DNAJA2: variants seen among roughly 807,000 people sequenced by gnomAD.
DNAJA2 encodes DnaJ heat shock protein family (Hsp40) member A2.
A neutral mutation model predicts 49.3 loss-of-function variants in DNAJA2; 6 were observed. That is an observed-to-expected ratio of 0.12 (90% CI 0.07 to 0.24). The LOEUF (loss-of-function observed/expected upper bound fraction) is 0.24, where lower values mean the gene tolerates loss of function less well. DNAJA2 is among the 10% of genes least tolerant of loss of function. DNAJA2 has a pLI of 1.00. For synonymous variants in DNAJA2, 160 were observed against 172.7 expected, an observed-to-expected ratio of 0.93 and a Z score of 0.58; for missense variants, 347 against 516.8, an observed-to-expected ratio of 0.67 and a Z score of 3.19.
At chr16:46,971,793 T>G (rs1192439452) in intron 2 of DNAJA2, 103 bp downstream of exon 2, 1 of 1,060,124 alleles carries the variant, frequency 9.4e-7, no homozygotes, top group African/African-American at 1.6e-5. Context: ...TGTGGCTGTG[T>G]GGGCATAGTT....
At chr16:46,962,113 T>C (rs1195312678) in intron 6 of DNAJA2, among the ~76,000 whole-genome samples, 3 of 152,202 alleles carry the variant, frequency 2.0e-5, no homozygotes, top group African/African-American at 4.8e-5. Flanking sequence ...CCAATTCCAC[T>C]GCTGCCAACA....
chr16:46,968,019 G>T, intron 4 of DNAJA2, 65 bp downstream of exon 4: 1 of 1,384,438 alleles, frequency 7.2e-7, no homozygotes, highest in South Asian at 1.3e-5. Flanking sequence ...ACGTGGTACA[G>T]ACATTCAGTG....
Position 46,973,647 on chromosome 16 carries a change from G to C in DNAJA2, c.-75C>G. Reference sequence around the variant, plus strand: ...CGGAGTCGGGCCCACAAGCGGCGTCGGCGGCGGCACAGGCCGAGGGAGACA... The same window carrying C: ...CGGAGTCGGGCCCACAAGCGGCGTCCGCGGCGGCACAGGCCGAGGGAGACA... On this transcript the variant is annotated 5_prime_UTR_variant, in exon 1 of 9. Coordinates refer to ENST00000317089, the MANE Select transcript of DNAJA2 (RefSeq NM_005880.4). The C allele has an allele frequency of 1.3e-6, 2 of 1,498,248 alleles. No individual in the cohort carries two copies. The highest frequency in any genetic ancestry group is 1.7e-4 in the Middle Eastern group (1 of 5,772). 92.8% of individuals were successfully genotyped at this position (1,498,248 alleles called of 1,614,324 possible). A position where few individuals can be genotyped will look rare whatever the true frequency, so the allele number is the denominator to read the frequency against.
In DNAJA2 at chr16:46,959,182, T is replaced by A. The variant is rs778151739; in HGVS notation, c.920-52A>T. On this transcript the variant is annotated intron_variant, in intron 7 of 8. Transcript: ENST00000317089. The stretch of plus-strand genomic sequence containing the variant: ...AATTTTACCCAAAAGAGGTGTTCAA[T>A]TTTTTTTAGAGTTATGCAGTATAAA... 49 of 1,564,390 alleles carry A rather than the reference T, an allele frequency of 3.1e-5. 1 individual carries two copies. In the East Asian group the frequency reaches 1.1e-3, roughly 35 times the overall value.
chr16:46,970,268 C>A (rs759188654), intron 3 of DNAJA2, among the ~76,000 whole-genome samples: 12 of 152,212 alleles, frequency 7.9e-5, no homozygotes, highest in Non-Finnish European at 1.6e-4. Context: ...CAAGGTCAGG[C>A]ACCATTCATG....
At chr16:46,971,155 GT>G (rs1962042047) in intron 3 of DNAJA2, among the ~76,000 whole-genome samples, 193 bp downstream of exon 3, 1 of 152,090 alleles carries the variant, frequency 6.6e-6, no homozygotes, top group Non-Finnish European at 1.5e-5. Context: ...AATATCGACT[GT>G]CCTTTTAAGA....
At chr16:46,958,472 G>C (rs914787940) in intron 8 of DNAJA2, 1 of 151,734 alleles carries the variant, frequency 6.6e-6, no homozygotes, top group Non-Finnish European at 1.5e-5. Flanking sequence ...GCTGAGGCAG[G>C]AGAATGGCAT....
At chr16:46,957,383 T>A (rs1307853956) in intron 8 of DNAJA2, among the ~76,000 whole-genome samples, 163 bp from the exon 9 acceptor site, 1 of 152,068 alleles carries the variant, frequency 6.6e-6, no homozygotes, top group Non-Finnish European at 1.5e-5. Flanking sequence ...GGCGGGCGGA[T>A]AATGAGGTCA....
chr16:46,964,855 C>A, intron 5 of DNAJA2, 48 bp from the exon 6 acceptor site: 1 of 1,409,754 alleles, frequency 7.1e-7, no homozygotes, highest in South Asian at 1.3e-5. Context: ...CTATACTGTA[C>A]TCTTAATACC....
At chr16:46,963,118 T>C (rs1423415135) in intron 6 of DNAJA2, among the ~76,000 whole-genome samples, 1 of 152,172 alleles carries the variant, frequency 6.6e-6, no homozygotes, top group Non-Finnish European at 1.5e-5. Context: ...CCGTGTTCAT[T>C]GGGCTTATGC....
chr16:46,966,153 C>T (rs1210876528), intron 5 of DNAJA2, among the ~76,000 whole-genome samples: 2 of 152,158 alleles, frequency 1.3e-5, no homozygotes, highest in Non-Finnish European at 2.9e-5. Context: ...ATTGCTTCAG[C>T]GTGGGCGGTG....
chr16:46,956,756 G>T lies in DNAJA2; in HGVS notation c.*273C>A. 1 of 329,740 alleles carries T rather than the reference G, an allele frequency of 3.0e-6. No individual in the cohort carries two copies. Among genetic ancestry groups the T allele is most frequent in the Non-Finnish European group, 5.6e-6 (1 of 180,140 alleles). The allele number at this position is 329,740 out of a possible 1,614,324, so 20.4% of individuals were successfully genotyped here. A position where few individuals can be genotyped will look rare whatever the true frequency, so the allele number is the denominator to read the frequency against. On this transcript the variant is annotated 3_prime_UTR_variant, in exon 9 of 9. Coordinates refer to ENST00000317089, the MANE Select transcript of DNAJA2 (RefSeq NM_005880.4). ...GATAAAAATCAAGCACAGATACCAGGATTGAAACTTATAATAATCCATGTG... is the reference window on the plus strand; with the variant it reads ...GATAAAAATCAAGCACAGATACCAGTATTGAAACTTATAATAATCCATGTG...
chr16:46,960,563 A>G (rs1266048517), intron 6 of DNAJA2, among the ~76,000 whole-genome samples: 1 of 151,876 alleles, frequency 6.6e-6, no homozygotes, highest in African/African-American at 2.4e-5. Context: ...GGCGGATCAC[A>G]AGGTCAGGAG....
chr16:46,964,594 A>C lies in DNAJA2; in HGVS notation c.774+17T>G, dbSNP rs1488700113. 1 of 1,582,044 alleles carries C rather than the reference A, an allele frequency of 6.3e-7. No homozygotes were observed. The highest frequency in any genetic ancestry group is 8.6e-7 in the Non-Finnish European group (1 of 1,168,956). The stretch of plus-strand genomic sequence containing the variant: ...TGAATAAAACAAAATACAAAAAACT[A>C]AAAAAAGGAAAATCACCTCATGTTC... On this transcript the variant is annotated intron_variant, in intron 6 of 8. Coordinates refer to ENST00000317089, the MANE Select transcript of DNAJA2 (RefSeq NM_005880.4).
At chr16:46,962,415 C>T (rs1215485303) in intron 6 of DNAJA2, among the ~76,000 whole-genome samples, 1 of 151,892 alleles carries the variant, frequency 6.6e-6, no homozygotes, top group African/African-American at 2.4e-5. Context: ...ATAAGCATTC[C>T]TTCTTCACTT....
intron 3 of DNAJA2, among the ~76,000 whole-genome samples, chr16:46,971,146 A>G (rs1160087836): frequency 1.3e-5 from 2 of 152,214 alleles, no homozygotes; most frequent in African/African-American, 2.4e-5. Context: ...TCATTAAAAA[A>G]TATCGACTGT....
intron 6 of DNAJA2, chr16:46,959,666 C>T (rs1374154725): frequency 5.0e-6 from 2 of 400,068 alleles, no homozygotes; most frequent in African/African-American, 4.0e-5. Context: ...AGCAACAGAA[C>T]TGAGGCCCTC....
At chr16:46,960,963 A>C (rs903643003) in intron 6 of DNAJA2, among the ~76,000 whole-genome samples, 2 of 149,014 alleles carry the variant, frequency 1.3e-5, no homozygotes, top group African/African-American at 5.0e-5. Context: ...TTAATGATCC[A>C]GCCACTGCAC....
In DNAJA2 at chr16:46,968,087, C is replaced by A. The variant is rs1329061310; in HGVS notation, c.440G>T (p.Ser147Ile). Residue 147 changes from serine to isoleucine, a missense_variant, in exon 4 of 9, where the codon AGT becomes ATT. Physicochemically the swap from Ser to Ile is moderately radical, Grantham distance 142. Coordinates refer to ENST00000317089, the MANE Select transcript of DNAJA2 (RefSeq NM_005880.4). ...ATAAACCAGAAGACACACTTACCCA[C>A]TGCATGCACTACAGAGCACATTCTT... ...LSKNVLCSAC[S>I]GQGGKSGAVQ... 4 of 1,603,432 alleles carry A rather than the reference C, an allele frequency of 2.5e-6. No individual in the cohort carries two copies. The highest frequency in any genetic ancestry group is 1.8e-5 in the Admixed American group (1 of 56,668).
Sources: allele counts gnomAD v4.1 joint callset (sites outside exome capture counted in the v4.1 genomes callset), GRCh38; gene constraint gnomAD v4.1.1; transcripts MANE v1.5; gene names NCBI Gene and HGNC (gene_info 2026-07-23, HGNC 2026-07-21).